Variants in PSME3IP1 observed in about 807,000 individuals in gnomAD.
The protein encoded by PSME3IP1 is PSME3-interacting protein.
PSME3IP1 carries 13 observed loss-of-function variants against 34.1 expected under a neutral mutation model. The observed-to-expected ratio is 0.38, with a 90% CI of 0.25 to 0.61. The LOEUF (loss-of-function observed/expected upper bound fraction) is 0.61. PSME3IP1 is among the 20% of genes least tolerant of loss of function. PSME3IP1 has a pLI of 0.60. For synonymous variants in PSME3IP1, 93 were observed against 114.3 expected (o/e 0.81, Z 1.19); for missense variants, 237 against 301.4 (o/e 0.79, Z 1.58).
chr16:57,164,008 CT>C lies in PSME3IP1; in HGVS notation c.539del (p.Lys180ArgfsTer16). The C allele has an allele frequency of 6.2e-7, 1 of 1,614,140 alleles. No homozygotes were observed. The highest frequency in any genetic ancestry group is 8.5e-7 in the Non-Finnish European group (1 of 1,180,002). Reference protein sequence around the residue: ...RLKPDPEPDDKNQEPSSCKSL... With the variant: ...RLKPDPEPDDXNQEPSSCKSL... ...ATGAAGGCTGCCACCCACCTTGATT[CT>C]TGTCATCTGGCTCAGGGTCCGGTTT... is the stretch of plus-strand genomic sequence containing the variant. On this transcript the variant is annotated frameshift_variant, in exon 6 of 7. Coordinates refer to ENST00000309137, the MANE Select transcript of PSME3IP1 (RefSeq NM_024946.4). LOFTEE classifies it high-confidence loss of function.
chr16:57,157,862 C>A (rs1375591777), intron 6 of PSME3IP1, among the ~76,000 whole-genome samples: 2 of 152,160 alleles, frequency 1.3e-5, no homozygotes, highest in African/African-American at 4.8e-5. Context: ...ACATCCTGAG[C>A]CCTTAAACTA....
At chr16:57,161,936 C>A (rs1340510200) in intron 6 of PSME3IP1, among the ~76,000 whole-genome samples, 2 of 152,126 alleles carry the variant, frequency 1.3e-5, no homozygotes, top group Non-Finnish European at 2.9e-5. Flanking sequence ...CAGAGTCTCG[C>A]TCTTGTTGCC....
At chr16:57,180,912 C>G (rs888412094) in intron 1 of PSME3IP1, among the ~76,000 whole-genome samples, 2 of 151,980 alleles carry the variant, frequency 1.3e-5, no homozygotes, top group Non-Finnish European at 2.9e-5. Flanking sequence ...AAAAATTAGC[C>G]AGGTGTGATG....
At chr16:57,167,396 C>T in intron 4 of PSME3IP1, 170 bp from the exon 5 acceptor site, 1 of 787,682 alleles carries the variant, frequency 1.3e-6, no homozygotes, top group Admixed American at 2.3e-5. Context: ...TGAAAGAGAC[C>T]ATGGAGGAAG....
chr16:57,181,338 G>GT (rs1457497159), intron 1 of PSME3IP1, among the ~76,000 whole-genome samples: 5 of 151,738 alleles, frequency 3.3e-5, no homozygotes, highest in African/African-American at 1.2e-4. Flanking sequence ...AAAAACAGCA[G>GT]TTTTTTCCAA....
intron 1 of PSME3IP1, among the ~76,000 whole-genome samples, chr16:57,183,730 A>G (rs1597800512): frequency 6.6e-6 from 1 of 152,358 alleles, no homozygotes; most frequent in East Asian, 1.9e-4. Context: ...AATATTCAAA[A>G]TGGATTTCAT....
chr16:57,184,901 G>C (rs147761427), intron 1 of PSME3IP1, among the ~76,000 whole-genome samples: 1 of 152,354 alleles, frequency 6.6e-6, no homozygotes, highest in Non-Finnish European at 1.5e-5. Context: ...GACTGTAAAA[G>C]CTGCTGTCGG....
At chr16:57,167,372 A>C in intron 4 of PSME3IP1, 146 bp from the exon 5 acceptor site, 1 of 923,478 alleles carries the variant, frequency 1.1e-6, no homozygotes, top group Non-Finnish European at 1.7e-6. Flanking sequence ...AAATCCAGCC[A>C]ATTCAAAGAT....
intron 6 of PSME3IP1, among the ~76,000 whole-genome samples, chr16:57,157,854 A>T (rs1343211135): frequency 1.3e-5 from 2 of 152,166 alleles, no homozygotes; most frequent in African/African-American, 4.8e-5. Context: ...TTCAAAGAAC[A>T]TCCTGAGCCC....
Position 57,152,903 on chromosome 16 carries a change from T to C in PSME3IP1, c.*1387A>G, listed in dbSNP as rs1412576095. ...CACTGTACTGGAAGGGGAAAAGGAG[T>C]GGGCTGGATGAGATCCAGGGGCCTC... is the stretch of plus-strand genomic sequence containing the variant. On this transcript the variant is annotated 3_prime_UTR_variant, in exon 7 of 7. Coordinates refer to ENST00000309137, the MANE Select transcript of PSME3IP1 (RefSeq NM_024946.4). 8 of 152,388 alleles carry C rather than the reference T, an allele frequency of 5.2e-5. No homozygotes were observed. The highest frequency in any genetic ancestry group is 1.9e-4 in the African/African-American group (8 of 41,368). The allele number at this position is 152,388 out of a possible 1,614,324, so 9.4% of individuals were successfully genotyped here. A position where few individuals can be genotyped will look rare whatever the true frequency, so the allele number is the denominator to read the frequency against.
rs199960840 is a variant in PSME3IP1 at position 57,154,247 on chromosome 16, G to C, written c.*43C>G. The C allele has an allele frequency of 1.9e-6, 3 of 1,580,592 alleles. No individual in the cohort carries two copies. The highest frequency in any genetic ancestry group is 2.6e-6 in the Non-Finnish European group (3 of 1,150,574). ...TGCCTATAGGCAGCATGAACGGTCC[G>C]ATCTACCCTTGGGGAGGAGCTCCCT... On this transcript the variant is annotated 3_prime_UTR_variant, in exon 7 of 7. Coordinates refer to ENST00000309137, the MANE Select transcript of PSME3IP1 (RefSeq NM_024946.4). This position sits in a 1 kb window ranked among gnomAD's most constrained non-coding sequence, Gnocchi z 4.0.
intron 6 of PSME3IP1, among the ~76,000 whole-genome samples, chr16:57,157,939 T>C (rs1771107006): frequency 6.6e-6 from 1 of 152,178 alleles, no homozygotes; most frequent in East Asian, 1.9e-4. Flanking sequence ...AAGAAGGCTG[T>C]AGAAGATGAG....
At chr16:57,179,287 A>T (rs1316269739) in intron 1 of PSME3IP1, among the ~76,000 whole-genome samples, 6 of 152,234 alleles carry the variant, frequency 3.9e-5, no homozygotes, top group Admixed American at 3.3e-4. Context: ...CCATTTCAAA[A>T]TTCACTTTGT....
upstream of PSME3IP1, chr16:57,186,102 C>A (rs1158796344): frequency 2.0e-6 from 2 of 985,496 alleles, no homozygotes; most frequent in African/African-American, 3.5e-5. Context: ...CCCGGGAGCC[C>A]GATGGAAATC....
chr16:57,157,767 A>G (rs574584969), intron 6 of PSME3IP1, among the ~76,000 whole-genome samples: 8 of 152,240 alleles, frequency 5.3e-5, no homozygotes, highest in African/African-American at 1.7e-4. Context: ...TTATGTGCAT[A>G]TATTACCAAT....
intron 1 of PSME3IP1, 126 bp downstream of exon 1, chr16:57,185,695 A>G (rs2074116564): frequency 1.0e-6 from 1 of 985,538 alleles, no homozygotes; most frequent in Non-Finnish European, 1.2e-6. Flanking sequence ...TACTCCGGAC[A>G]AGGAGCGGGT....
intron 6 of PSME3IP1, among the ~76,000 whole-genome samples, chr16:57,160,981 C>A (rs2071161345): frequency 6.6e-6 from 1 of 152,016 alleles, no homozygotes; most frequent in African/African-American, 2.4e-5. Flanking sequence ...AGTTTCTCCA[C>A]AAATAAAATA....
chr16:57,176,128 T>G lies in PSME3IP1; in HGVS notation c.-15-2259A>C, dbSNP rs137951069. ...CAGTCTCTGTGAAAATGCCAAAAATTCCTCAAGTTCTACAGAACAACCTCT... is the reference window on the plus strand; with the variant it reads ...CAGTCTCTGTGAAAATGCCAAAAATGCCTCAAGTTCTACAGAACAACCTCT... On this transcript the variant is annotated intron_variant, in intron 1 of 6. Coordinates refer to ENST00000309137, the MANE Select transcript of PSME3IP1 (RefSeq NM_024946.4). Among the ~76,000 whole-genome samples the G allele has an allele frequency of 9.1e-4, 138 of 152,250 alleles. 1 individual carries two copies. Among genetic ancestry groups the G allele is most frequent in the African/African-American group, 3.1e-3 (127 of 41,520 alleles).
In PSME3IP1 at chr16:57,186,024, T is replaced by A. The variant is rs1429454531; in HGVS notation, c.-219A>T. On this transcript the variant is annotated 5_prime_UTR_variant, in exon 1 of 7. Coordinates refer to ENST00000309137, the MANE Select transcript of PSME3IP1 (RefSeq NM_024946.4). The stretch of plus-strand genomic sequence containing the variant: ...CTTTTGACCCTTCAGGGCTTCCTGT[T>A]CCTCACCGCCACAATAGAGTCCCGC... 1 of 984,972 alleles carries A rather than the reference T, an allele frequency of 1.0e-6. No homozygotes were observed. The highest frequency in any genetic ancestry group is 6.2e-5 in the Admixed American group (1 of 16,230). 61.0% of individuals were successfully genotyped at this position (984,972 alleles called of 1,614,324 possible).
Sources: gnomAD v4.1 joint callset for allele counts (sites outside exome capture counted in the v4.1 genomes callset) on GRCh38, gnomAD v4.1.1 for gene constraint, Gnocchi (gnomAD v3.1) non-coding constraint, MANE v1.5 for transcripts, NCBI Gene and HGNC (gene_info 2026-07-23, HGNC 2026-07-21) for gene names.